The following FMNL3 variants were observed in gnomAD, a reference collection of about 807,000 sequenced individuals.
FMNL3 encodes formin-like protein 3.
In FMNL3, 57 loss-of-function variants were observed where a neutral mutation model predicts 119.6. The ratio of observed to expected loss-of-function variants is 0.48; its 90% CI spans 0.39 to 0.59. The LOEUF (loss-of-function observed/expected upper bound fraction) is 0.59, where lower values mean the gene tolerates loss of function less well. FMNL3 is among the 20% of genes least tolerant of loss of function. The pLI, the probability that FMNL3 is intolerant of heterozygous loss-of-function variation, is 0.00. For synonymous variants in FMNL3, 491 were observed against 507.3 expected (o/e 0.97, Z 0.43); for missense variants, 1,053 against 1,323.5 (o/e 0.80, Z 3.17).
Position 49,642,466 on chromosome 12 carries a change from G to A in FMNL3, c.*3349C>T. 2 of 1,577,432 alleles carry A rather than the reference G, an allele frequency of 1.3e-6. No homozygotes were observed. The highest frequency in any genetic ancestry group is 4.5e-5 in the East Asian group (2 of 44,508). On this transcript the variant is annotated 3_prime_UTR_variant, in exon 26 of 26. Transcript: ENST00000335154. The surrounding 1 kb of genome is among the most constrained non-coding windows in gnomAD (Gnocchi z 5.8). ...CCACCCCAGTCACGTCACAGCCCTG[G>A]GCCAGCTCCAGTTCCCTTCCTTTCT...
chr12:49,644,308 AC>A lies in FMNL3; in HGVS notation c.*1506del. ...GTCTGTGTCCACTTTTTCTAAAGTAACCCCACCCCCAGCACACCATTGTTGG... is the reference window on the plus strand; with the variant it reads ...GTCTGTGTCCACTTTTTCTAAAGTAACCCACCCCCAGCACACCATTGTTGG... On this transcript the variant is annotated 3_prime_UTR_variant, in exon 26 of 26. Transcript: ENST00000335154. The A allele has an allele frequency of 8.5e-7, 1 of 1,169,818 alleles. No individual in the cohort carries two copies. Among genetic ancestry groups the A allele is most frequent in the Non-Finnish European group, 1.2e-6 (1 of 806,170 alleles). 72.5% of individuals were successfully genotyped at this position (1,169,818 alleles called of 1,614,324 possible).
intron 1 of FMNL3, among the ~76,000 whole-genome samples, chr12:49,696,732 G>C (rs906439033): frequency 6.6e-6 from 1 of 152,170 alleles, no homozygotes; most frequent in Non-Finnish European, 1.5e-5. Flanking sequence ...CTTAATCAAA[G>C]TTAAACTGTC....
At chr12:49,690,011 TTC>T (rs973422968) in intron 1 of FMNL3, among the ~76,000 whole-genome samples, 5 of 152,216 alleles carry the variant, frequency 3.3e-5, no homozygotes, top group African/African-American at 1.2e-4. Flanking sequence ...TCTCCAATCT[TTC>T]TGTGTTTATA....
intron 4 of FMNL3, among the ~76,000 whole-genome samples, 185 bp downstream of exon 4, chr12:49,665,647 G>GGGGGT (rs1555220414): frequency 6.6e-6 from 1 of 152,218 alleles, no homozygotes; most frequent in Non-Finnish European, 1.5e-5. Context: ...GCAGAGCTGA[G>GGGGGT]GGGGTAGAAA....
Position 49,644,201 on chromosome 12 carries a change from G to A in FMNL3, c.*1614C>T. The A allele has an allele frequency of 5.6e-6, 9 of 1,613,988 alleles. No homozygotes were observed. Among genetic ancestry groups the A allele is most frequent in the Non-Finnish European group, 7.6e-6 (9 of 1,180,004 alleles). ...TGGATGATCACCAGTGACCCAATGA[G>A]CTGTTCTCTGCCTCGGGTCTGTGTG... On this transcript the variant is annotated 3_prime_UTR_variant, in exon 26 of 26. Coordinates refer to ENST00000335154, the MANE Select transcript of FMNL3 (RefSeq NM_175736.5).
rs555894156 is a variant in FMNL3 at position 49,707,397 on chromosome 12, G to A, written c.-217C>T. 4.6e-5 allele frequency: 17 copies of A among 368,238 alleles called. 1 individual carries two copies. The South Asian group carries it at 8.9e-4, about 19-fold the overall frequency. The allele number at this position is 368,238 out of a possible 1,614,324, so 22.8% of individuals were successfully genotyped here. The stretch of plus-strand genomic sequence containing the variant: ...CGGACAGCCGCACCGAAGCAAGGCG[G>A]ACGGAGGCGGCCGGCTCTTGCTCAC... On this transcript the variant is annotated 5_prime_UTR_variant, in exon 1 of 26. Transcript: ENST00000335154.
In FMNL3 at chr12:49,642,605, C is replaced by A; in HGVS notation, c.*3210G>T. 1 of 1,614,242 alleles carries A rather than the reference C, an allele frequency of 6.2e-7. No homozygotes were observed. Among genetic ancestry groups the A allele is most frequent in the Non-Finnish European group, 8.5e-7 (1 of 1,180,034 alleles). ...GTCCGTGAGCGTTTTGTGTGTGACT[C>A]AGCCTTTGAGCAGATCACCCTGGAG... On this transcript the variant is annotated 3_prime_UTR_variant, in exon 26 of 26. Coordinates refer to ENST00000335154, the MANE Select transcript of FMNL3 (RefSeq NM_175736.5). The surrounding 1 kb of genome is among the most constrained non-coding windows in gnomAD (Gnocchi z 5.8).
chr12:49,651,327 A>G (rs1943392482), intron 15 of FMNL3, 35 bp from the exon 16 acceptor site: 2 of 1,606,064 alleles, frequency 1.2e-6, no homozygotes, highest in Non-Finnish European at 1.7e-6. Context: ...CACAGGGGCC[A>G]AGGACACACA....
chr12:49,707,350 G>A lies in FMNL3; in HGVS notation c.-170C>T. Reference sequence around the variant, plus strand: ...TGGAGTCCCGCTGGCGGGGGCGCGCGGCGAGGGCGGAGGCAGCGTAGCGGA... The same window carrying A: ...TGGAGTCCCGCTGGCGGGGGCGCGCAGCGAGGGCGGAGGCAGCGTAGCGGA... On this transcript the variant is annotated 5_prime_UTR_variant, in exon 1 of 26. Coordinates refer to ENST00000335154, the MANE Select transcript of FMNL3 (RefSeq NM_175736.5). 1.9e-6 allele frequency: 1 copy of A among 524,940 alleles called. No homozygotes were observed. The highest frequency in any genetic ancestry group is 4.3e-5 in the Admixed American group (1 of 23,084). The allele number at this position is 524,940 out of a possible 1,614,324, so 32.5% of individuals were successfully genotyped here. A position where few individuals can be genotyped will look rare whatever the true frequency, so the allele number is the denominator to read the frequency against.
At chr12:49,670,352 C>T (rs911250672) in intron 1 of FMNL3, among the ~76,000 whole-genome samples, 6 of 152,162 alleles carry the variant, frequency 3.9e-5, no homozygotes, top group Admixed American at 3.3e-4. Flanking sequence ...ACTCCTAAAC[C>T]AGCTGTATAC....
chr12:49,653,364 A>G, intron 12 of FMNL3, 37 bp from the exon 13 acceptor site: 2 of 1,603,292 alleles, frequency 1.2e-6, no homozygotes, highest in Non-Finnish European at 1.7e-6. Context: ...TGCTGGCCCT[A>G]AAGCCTGGGC....
At chr12:49,661,825 C>T (rs1159770558) in intron 5 of FMNL3, 141 bp downstream of exon 5, 5 of 788,958 alleles carry the variant, frequency 6.3e-6, no homozygotes, top group Non-Finnish European at 1.1e-5. Context: ...TACTTCCACA[C>T]CACTGCTTGG....
chr12:49,636,647 T>C lies in FMNL3; in HGVS notation c.*9168A>G. 1 of 1,600,062 alleles carries C rather than the reference T, an allele frequency of 6.2e-7. No homozygotes were observed. Among genetic ancestry groups the C allele is most frequent in the Non-Finnish European group, 8.6e-7 (1 of 1,169,456 alleles). Reference sequence around the variant, plus strand: ...CTGTAGGACAGCATCGTTGAAACATTAGGGGTGCTGGGGTCTGAGAGGGTA... The same window carrying C: ...CTGTAGGACAGCATCGTTGAAACATCAGGGGTGCTGGGGTCTGAGAGGGTA... On this transcript the variant is annotated 3_prime_UTR_variant, in exon 26 of 26. Transcript: ENST00000335154.
intron 22 of FMNL3, 75 bp downstream of exon 22, chr12:49,648,118 A>AG: frequency 6.7e-7 from 1 of 1,486,854 alleles, no homozygotes; most frequent in Non-Finnish European, 8.9e-7. Flanking sequence ...AAAAAAAAAA[A>AG]ATAGAACTAG....
intron 1 of FMNL3, among the ~76,000 whole-genome samples, chr12:49,699,737 A>G (rs1269309101): frequency 2.0e-5 from 3 of 152,274 alleles, no homozygotes; most frequent in Admixed American, 6.5e-5. Context: ...TATATAATAA[A>G]TCCCCAACAG....
intron 22 of FMNL3, 120 bp downstream of exon 22, chr12:49,648,073 C>A: frequency 7.8e-7 from 1 of 1,286,580 alleles, no homozygotes; most frequent in Non-Finnish European, 1.0e-6. Context: ...CGCTCTCTCT[C>A]CCCTACATGT....
chr12:49,707,398 A>T lies in FMNL3; in HGVS notation c.-218T>A, dbSNP rs575695421. ...GGACAGCCGCACCGAAGCAAGGCGG[A>T]CGGAGGCGGCCGGCTCTTGCTCACA... is the stretch of plus-strand genomic sequence containing the variant. On this transcript the variant is annotated 5_prime_UTR_variant, in exon 1 of 26. Transcript: ENST00000335154. The T allele has an allele frequency of 2.7e-6, 1 of 365,858 alleles. No homozygotes were observed. The highest frequency in any genetic ancestry group is 2.1e-5 in the African/African-American group (1 of 47,298). The allele number at this position is 365,858 out of a possible 1,614,324, so 22.7% of individuals were successfully genotyped here. A position where few individuals can be genotyped will look rare whatever the true frequency, so the allele number is the denominator to read the frequency against.
In FMNL3 at chr12:49,647,676, C is replaced by T. The variant is rs144305060; in HGVS notation, c.2778+27G>A. The stretch of plus-strand genomic sequence containing the variant: ...CCCAGCCAGTTTTCTCGCAACCAAA[C>T]TTCTTAAAAAGCTCTCTGCAGCTTA... On this transcript the variant is annotated intron_variant, in intron 23 of 25. Transcript: ENST00000335154. The surrounding 1 kb of genome is among the most constrained non-coding windows in gnomAD (Gnocchi z 4.9). 3.3e-4 allele frequency: 522 copies of T among 1,604,292 alleles called. 3 individuals are homozygous for T. In the African/African-American group the frequency reaches 6.2e-3, roughly 19 times the overall value.
At position 49,642,439 on chromosome 12, in the gene FMNL3, G is replaced by A; in HGVS notation, c.*3376C>T. ...GGGCAGCGGTGCTTCACCACTGAGG[G>A]CCCACCCCAGTCACGTCACAGCCCT... On this transcript the variant is annotated 3_prime_UTR_variant, in exon 26 of 26. Transcript: ENST00000335154. This position sits in a 1 kb window ranked among gnomAD's most constrained non-coding sequence, Gnocchi z 5.8. The A allele has an allele frequency of 6.3e-7, 1 of 1,582,510 alleles. No individual in the cohort carries two copies. Among genetic ancestry groups the A allele is most frequent in the East Asian group, 2.2e-5 (1 of 44,578 alleles).
Sources: allele counts gnomAD v4.1 joint callset (sites outside exome capture counted in the v4.1 genomes callset), GRCh38; gene constraint gnomAD v4.1.1; non-coding constraint Gnocchi (gnomAD v3.1); transcripts MANE v1.5; gene names NCBI Gene and HGNC (gene_info 2026-07-23, HGNC 2026-07-21).